SLC7A9: variants seen among roughly 807,000 people sequenced by gnomAD.
SLC7A9 encodes solute carrier family 7 member 9, also known as B(0,+)-type amino acid transporter 1.
Under a neutral mutation model 54.1 loss-of-function variants are expected in SLC7A9, and 38 were observed. The ratio of observed to expected loss-of-function variants is 0.70; its 90% CI spans 0.54 to 0.92. SLC7A9 has a LOEUF of 0.92. Among genes scored for constraint, SLC7A9 ranks in the 40% least tolerant of loss-of-function variants. SLC7A9 has a pLI of 0.00. For missense variants in SLC7A9, 537 were observed against 636.1 expected, an observed-to-expected ratio of 0.84 and a Z score of 1.68; for synonymous variants, 264 against 258.9, an observed-to-expected ratio of 1.02 and a Z score of -0.19.
intron 2 of SLC7A9, among the ~76,000 whole-genome samples, chr19:32,867,543 AAAAG>A (rs1399002464): frequency 2.6e-5 from 4 of 151,796 alleles, no homozygotes; most frequent in African/African-American, 9.7e-5. Context: ...AAAATTTTTA[AAAAG>A]AACGCCCTTT....
At chr19:32,855,713 T>A (rs999629249) in intron 9 of SLC7A9, among the ~76,000 whole-genome samples, 4 of 147,632 alleles carry the variant, frequency 2.7e-5, no homozygotes, top group African/African-American at 9.9e-5. Flanking sequence ...AAAAAAAAAA[T>A]AGAAAAATGC....
intron 9 of SLC7A9, among the ~76,000 whole-genome samples, chr19:32,849,146 C>T (rs1250432469): frequency 3.3e-5 from 5 of 152,170 alleles, no homozygotes; most frequent in African/African-American, 4.8e-5. Flanking sequence ...AGAGCAAACA[C>T]ATTCAAAAGC....
intron 6 of SLC7A9, among the ~76,000 whole-genome samples, chr19:32,861,583 G>C (rs1421494694): frequency 2.6e-5 from 4 of 152,160 alleles, no homozygotes; most frequent in African/African-American, 9.7e-5. Flanking sequence ...AGGCCGAGGA[G>C]AGAGAATTGC....
At chr19:32,848,148 C>T (rs1968356910) in intron 9 of SLC7A9, among the ~76,000 whole-genome samples, 1 of 152,218 alleles carries the variant, frequency 6.6e-6, no homozygotes. Flanking sequence ...AAATAACCAG[C>T]TAACATCATA....
chr19:32,861,063 G>A (rs1370968312), intron 6 of SLC7A9, among the ~76,000 whole-genome samples: 7 of 152,110 alleles, frequency 4.6e-5, no homozygotes, highest in Non-Finnish European at 7.4e-5. Context: ...GCATAGTGGC[G>A]CACGTCTGTA....
rs1969048271 is a variant in SLC7A9, at chr19:32,868,571, G to C, written c.-37C>G. On this transcript the variant is annotated 5_prime_UTR_variant, in exon 2 of 13. Coordinates refer to ENST00000023064, the MANE Select transcript of SLC7A9 (RefSeq NM_014270.5). ...CTGGTTCCAGGAGACTGCAAGGAGG[G>C]CGCACAGCTAAATCTTGGTTCAGCA... 6.4e-7 allele frequency: 1 copy of C among 1,554,292 alleles called. No homozygotes were observed. The highest frequency in any genetic ancestry group is 1.4e-5 in the African/African-American group (1 of 73,860).
rs781545241 is a variant in SLC7A9, at chr19:32,864,299, T to A, written c.275A>T (p.Lys92Met). 8.1e-6 allele frequency: 13 copies of A among 1,614,062 alleles called. No individual in the cohort carries two copies. Among genetic ancestry groups the A allele is most frequent in the Non-Finnish European group, 1.1e-5 (13 of 1,179,992 alleles). ...CFAELGTMIT[K>M]SGGEYPYLME... Reference sequence around the variant, plus strand: ...CAGGTAGGGATACTCTCCCCCTGACTTGGTGATCATTGTGCCAAGCTCCGC... The same window carrying A: ...CAGGTAGGGATACTCTCCCCCTGACATGGTGATCATTGTGCCAAGCTCCGC... The change falls in exon 4 of 13, where the codon AAG becomes ATG. Residue 92 changes from lysine to methionine, a missense_variant. Lys to Met is a moderately conservative substitution (Grantham distance 95). Coordinates refer to ENST00000023064, the MANE Select transcript of SLC7A9 (RefSeq NM_014270.5).
At chr19:32,864,383 T>C in intron 3 of SLC7A9, 45 bp from the exon 4 acceptor site, 2 of 1,611,476 alleles carry the variant, frequency 1.2e-6, no homozygotes, top group Non-Finnish European at 8.5e-7. Flanking sequence ...TGTGAGGCAC[T>C]GCCCCGGCCC....
Position 32,862,564 on chromosome 19 carries a change from T to G in SLC7A9, c.501A>C (p.Ser167=). The change falls in exon 5 of 13, where the codon TCA becomes TCC. Residue 167 remains serine, a synonymous_variant. Transcript: ENST00000023064. ...CGTAGCTTCCCAGCCGCACGCTCAG[T>G]GAGTTCACTGTCGAGATGAACACTG... ...AAILFISTVN[S]LSVRLGSYVQ... 6.2e-7 allele frequency: 1 copy of G among 1,614,052 alleles called. No homozygotes were observed.
chr19:32,862,020 C>CA lies in SLC7A9; in HGVS notation c.704+97dup, dbSNP rs200313346. On this transcript the variant is annotated intron_variant, in intron 6 of 12. Coordinates refer to ENST00000023064, the MANE Select transcript of SLC7A9 (RefSeq NM_014270.5). ...TGAATGTCAGAGTCACACCAAACCC[C>CA]AGAAAGGAGAACTCATTGTTTTCCA... 1.7e-3 allele frequency: 1,450 copies of CA among 837,668 alleles called. 18 individuals carry two copies. In the African/African-American group the frequency reaches 0.021, roughly 12 times the overall value. The allele number at this position is 837,668 out of a possible 1,614,324, so 51.9% of individuals were successfully genotyped here. A position where few individuals can be genotyped will look rare whatever the true frequency, so the allele number is the denominator to read the frequency against.
At chr19:32,850,368 A>G (rs1415116257) in intron 9 of SLC7A9, among the ~76,000 whole-genome samples, 1 of 150,402 alleles carries the variant, frequency 6.6e-6, no homozygotes, top group Non-Finnish European at 1.5e-5. Flanking sequence ...AAAAATCACA[A>G]GCATTCTTAT....
chr19:32,865,541 C>T (rs1968941683), intron 2 of SLC7A9, among the ~76,000 whole-genome samples: 1 of 152,190 alleles, frequency 6.6e-6, no homozygotes, highest in Non-Finnish European at 1.5e-5. Context: ...TGGTTCCATG[C>T]CTGTGAAGTT....
At chr19:32,850,214 T>C (rs1435302465) in intron 9 of SLC7A9, among the ~76,000 whole-genome samples, 1 of 150,304 alleles carries the variant, frequency 6.7e-6, no homozygotes, top group Admixed American at 6.7e-5. Flanking sequence ...ATAAAAGATA[T>C]TCAATTAGGA....
Position 32,864,633 on chromosome 19 carries a change from C to T in SLC7A9, c.231G>A (p.Thr77=), listed in dbSNP as rs141456885. 5.6e-5 allele frequency: 91 copies of T among 1,613,412 alleles called. No individual in the cohort carries two copies. In the East Asian group the frequency reaches 6.9e-4, roughly 12 times the overall value. The part of the protein sequence containing the change: ...IIWAACGVLA[T]LGALCFAELG... ...CAGGCTCCCAAGTCTCTTTACCCAG[C>T]GTCGCGAGGACCCCGCAAGCCGCCC... The change falls in exon 3 of 13, where the codon ACG becomes ACA. Residue 77 remains threonine, a synonymous_variant. Transcript: ENST00000023064.
intron 2 of SLC7A9, among the ~76,000 whole-genome samples, chr19:32,867,550 C>T (rs980929207): frequency 6.6e-5 from 10 of 151,654 alleles, no homozygotes; most frequent in South Asian, 2.1e-4. Flanking sequence ...TTAAAAAGAA[C>T]GCCCTTTCTG....
intron 9 of SLC7A9, among the ~76,000 whole-genome samples, chr19:32,849,109 A>G (rs928999483): frequency 1.5e-4 from 23 of 152,178 alleles, no homozygotes; most frequent in African/African-American, 5.5e-4. Flanking sequence ...ACAACCTAAC[A>G]TCACAATTAA....
chr19:32,858,828 G>A (rs756214881), intron 8 of SLC7A9, among the ~76,000 whole-genome samples: 5 of 150,828 alleles, frequency 3.3e-5, no homozygotes, highest in Non-Finnish European at 5.9e-5. Context: ...TGCTCTTATT[G>A]CCCAGGCTGG....
chr19:32,830,777 G>A (rs1345044127), intron 12 of SLC7A9, 93 bp from the exon 13 acceptor site: 2 of 1,032,360 alleles, frequency 1.9e-6, no homozygotes, highest in Admixed American at 1.8e-5. Context: ...ATTGTTTTCA[G>A]TCTTTGGTGA....
chr19:32,832,230 A>C (rs1967818506), intron 12 of SLC7A9, among the ~76,000 whole-genome samples: 1 of 151,942 alleles, frequency 6.6e-6, no homozygotes, highest in Admixed American at 6.6e-5. Context: ...CAGAGGTTGC[A>C]GTGAGCCGAG....
Sources: gnomAD v4.1 joint callset for allele counts (sites outside exome capture counted in the v4.1 genomes callset) on GRCh38, gnomAD v4.1.1 for gene constraint, MANE v1.5 for transcripts, NCBI Gene and HGNC (gene_info 2026-07-23, HGNC 2026-07-21) for gene names.